Variants in PCDHA1 observed in about 807,000 individuals in gnomAD.
The protein encoded by PCDHA1 is protocadherin alpha 1, also known as protocadherin alpha-1.
A neutral mutation model predicts 61.3 loss-of-function variants in PCDHA1; 42 were observed. The observed-to-expected ratio is 0.69, with a 90% CI of 0.54 to 0.89. The LOEUF is 0.89. Among genes scored for constraint, PCDHA1 ranks in the 40% least tolerant of loss-of-function variants. The pLI is 0.00. For missense variants in PCDHA1, 1,256 were observed against 1,235.3 expected (o/e 1.02, Z -0.25); for synonymous variants, 610 against 553.8 (o/e 1.10, Z -1.43).
intron 1 of PCDHA1, among the ~76,000 whole-genome samples, chr5:140,975,572 C>T (rs1356117545): frequency 6.6e-6 from 1 of 152,202 alleles, no homozygotes; most frequent in African/African-American, 2.4e-5. Context: ...ATATTATATG[C>T]AGTCTCATGT....
At chr5:140,997,978 C>A (rs1205743045) in intron 3 of PCDHA1, among the ~76,000 whole-genome samples, 2 of 152,182 alleles carry the variant, frequency 1.3e-5, no homozygotes, top group Admixed American at 1.3e-4. Context: ...TTGGACTGCA[C>A]TTGTTACATA....
chr5:141,007,831 C>T (rs1347788424), intron 3 of PCDHA1, among the ~76,000 whole-genome samples: 2 of 152,296 alleles, frequency 1.3e-5, no homozygotes, highest in East Asian at 3.9e-4. Context: ...CAAGTAGCTA[C>T]CCATTAGAGA....
chr5:140,788,316 C>T lies in PCDHA1; in HGVS notation c.2026C>T (p.Pro676Ser), dbSNP rs928398123. 1 of 1,613,954 alleles carries T rather than the reference C, an allele frequency of 6.2e-7. No individual in the cohort carries two copies. Residue 676 changes from proline to serine, a missense_variant, in exon 1 of 4, where the codon CCA becomes TCA. Physicochemically the swap from Pro to Ser is moderately conservative, Grantham distance 74 (BLOSUM62 -1). Coordinates refer to ENST00000504120, the MANE Select transcript of PCDHA1 (RefSeq NM_018900.4). ...ATCTCTGGTGGAGAGCGGCCAGGCG[C>T]CAAAGGCGTCTTCGCGGGCGTCGGT... Reference protein sequence around the residue: ...LVSLVESGQAPKASSRASVGV... With the variant: ...LVSLVESGQASKASSRASVGV...
At chr5:140,805,607 C>CTTTTT in intron 1 of PCDHA1, 1 of 920,976 alleles carries the variant, frequency 1.1e-6, no homozygotes, top group African/African-American at 1.8e-5. Flanking sequence ...TATTAAATTT[C>CTTTTT]TTTATGTAAG....
intron 1 of PCDHA1, chr5:140,835,513 G>C: frequency 3.1e-6 from 5 of 1,613,936 alleles, no homozygotes; most frequent in Non-Finnish European, 4.2e-6. Context: ...GTGTTTGACC[G>C]AGATTTTGGA....
At chr5:140,852,794 G>A (rs2042475674) in intron 1 of PCDHA1, 1 of 976,830 alleles carries the variant, frequency 1.0e-6, no homozygotes, top group South Asian at 4.8e-5. Flanking sequence ...GGATGCTACA[G>A]ATGTCATTTG....
rs73793505 is a variant in PCDHA1, at chr5:140,858,470, T to C, written c.2394+69786T>C. The C allele has an allele frequency of 3.2e-3, 4,807 of 1,519,778 alleles. 358 individuals are homozygous for C. In the African/African-American group the frequency reaches 0.058, roughly 18 times the overall value. 94.1% of individuals were successfully genotyped at this position (1,519,778 alleles called of 1,614,324 possible). A position where few individuals can be genotyped will look rare whatever the true frequency, so the allele number is the denominator to read the frequency against. On this transcript the variant is annotated intron_variant, in intron 1 of 3. Transcript: ENST00000504120. ...TTACGTTTTCATTTTCCTTTTGTGC[T>C]TTATGAATAATATTTTCTCTTACCG...
At chr5:140,843,107 G>A in intron 1 of PCDHA1, 2 of 1,595,816 alleles carry the variant, frequency 1.3e-6, no homozygotes, top group Non-Finnish European at 1.7e-6. Context: ...GAAGGTGCGC[G>A]CAGTGGACGC....
At chr5:140,795,045 G>A in intron 1 of PCDHA1, 2 of 1,613,876 alleles carry the variant, frequency 1.2e-6, no homozygotes, top group Non-Finnish European at 1.7e-6. Context: ...GGGAGGTGGG[G>A]AGCGGCCAGC....
intron 1 of PCDHA1, among the ~76,000 whole-genome samples, chr5:140,905,490 T>C (rs1256863992): frequency 1.3e-5 from 2 of 152,224 alleles, no homozygotes; most frequent in African/African-American, 4.8e-5. Context: ...TTTCTTCTTT[T>C]TGTTTTGTAT....
chr5:140,999,431 C>G (rs1554256799), intron 3 of PCDHA1, among the ~76,000 whole-genome samples: 1 of 152,134 alleles, frequency 6.6e-6, no homozygotes, highest in African/African-American at 2.4e-5. Context: ...GGCCAAGTAC[C>G]TTGCCTCTTA....
chr5:140,928,824 A>C (rs782336122), intron 1 of PCDHA1: 2 of 1,614,110 alleles, frequency 1.2e-6, no homozygotes, highest in Non-Finnish European at 1.7e-6. Flanking sequence ...ATGGAGACCC[A>C]CCACTTTCCT....
At position 140,809,818 on chromosome 5, in the gene PCDHA1, T is replaced by G. The variant is rs548189609; in HGVS notation, c.2394+21134T>G. On this transcript the variant is annotated intron_variant, in intron 1 of 3. Transcript: ENST00000504120. Reference sequence around the variant, plus strand: ...TAATTTCTAGTAAATTTTCACTATATTCACCCTCTTTGTTTTTGGTAATAA... The same window carrying G: ...TAATTTCTAGTAAATTTTCACTATAGTCACCCTCTTTGTTTTTGGTAATAA... 7.8e-5 allele frequency: 31 copies of G among 395,844 alleles called. No homozygotes were observed. The East Asian group carries it at 1.3e-3, about 16-fold the overall frequency. The allele number at this position is 395,844 out of a possible 1,614,324, so 24.5% of individuals were successfully genotyped here.
chr5:140,969,863 C>A (rs1305470999), intron 1 of PCDHA1, among the ~76,000 whole-genome samples: 1 of 152,156 alleles, frequency 6.6e-6, no homozygotes, highest in Non-Finnish European at 1.5e-5. Context: ...CTGGTACTTG[C>A]ACTGAACCTA....
intron 1 of PCDHA1, among the ~76,000 whole-genome samples, chr5:140,890,167 A>G (rs1423577741): frequency 6.6e-6 from 1 of 152,174 alleles, no homozygotes; most frequent in East Asian, 1.9e-4. Context: ...CTGCCACAGA[A>G]ATAGGCAAAT....
chr5:140,906,761 A>G (rs896512633), intron 1 of PCDHA1, among the ~76,000 whole-genome samples: 2 of 152,204 alleles, frequency 1.3e-5, no homozygotes, highest in Non-Finnish European at 2.9e-5. Flanking sequence ...GGTAATACTA[A>G]GAGACACCCT....
chr5:140,908,919 G>A (rs781892541), intron 1 of PCDHA1, among the ~76,000 whole-genome samples: 1 of 152,158 alleles, frequency 6.6e-6, no homozygotes, highest in Non-Finnish European at 1.5e-5. Context: ...TGTAGGAGGG[G>A]CCAAATGCAG....
intron 1 of PCDHA1, chr5:140,801,844 A>G: frequency 6.2e-7 from 1 of 1,614,088 alleles, no homozygotes; most frequent in South Asian, 1.1e-5. Flanking sequence ...ACAGCAATTG[A>G]TGGTGGGAAA....
chr5:140,887,838 T>C (rs1434293324), intron 1 of PCDHA1, among the ~76,000 whole-genome samples: 1 of 152,210 alleles, frequency 6.6e-6, no homozygotes. Context: ...TGAATATCTT[T>C]TATTGACATA....
Sources: allele counts gnomAD v4.1 joint callset (sites outside exome capture counted in the v4.1 genomes callset), GRCh38; gene constraint gnomAD v4.1.1; transcripts MANE v1.5; gene names NCBI Gene and HGNC (gene_info 2026-07-23, HGNC 2026-07-21).